PPM1D: variants seen among roughly 807,000 people sequenced by gnomAD.
The protein encoded by PPM1D is protein phosphatase, Mg2+/Mn2+ dependent 1D, also known as protein phosphatase 1D.
A neutral mutation model predicts 58.3 loss-of-function variants in PPM1D; 52 were observed. That is an observed-to-expected ratio of 0.89 (90% CI 0.71 to 1.12). PPM1D has a LOEUF of 1.12. Ranked by LOEUF, PPM1D falls within the 50% of genes most tolerant of loss-of-function variation. The pLI is 0.00. For synonymous variants in PPM1D, 278 were observed against 285.1 expected (o/e 0.98, Z 0.25); for missense variants, 564 against 777.2 (o/e 0.73, Z 3.26).
At chr17:60,607,375 C>T (rs538756345) in intron 1 of PPM1D, among the ~76,000 whole-genome samples, 2 of 152,154 alleles carry the variant, frequency 1.3e-5, no homozygotes, top group South Asian at 2.1e-4. Flanking sequence ...CTCCACCTCC[C>T]GGGTTCAAGC....
At chr17:60,658,473 A>G (rs2031476503) in intron 5 of PPM1D, among the ~76,000 whole-genome samples, 2 of 151,158 alleles carry the variant, frequency 1.3e-5, no homozygotes. Context: ...ACATGGAGAT[A>G]CCCCATCTCT....
chr17:60,600,894 C>T lies in PPM1D; in HGVS notation c.472+8C>T. Reference sequence around the variant, plus strand: ...CCATGTGGAAGAAACTGGGTAAGTTCCCTGGCTTGTTTGGCGCCCGCCCCT... The same window carrying T: ...CCATGTGGAAGAAACTGGGTAAGTTTCCTGGCTTGTTTGGCGCCCGCCCCT... On this transcript the variant is annotated splice_region_variant and intron_variant, in intron 1 of 5. Transcript: ENST00000305921. 1 of 1,612,946 alleles carries T rather than the reference C, an allele frequency of 6.2e-7. No individual in the cohort carries two copies.
At chr17:60,659,733 C>T (rs1006836897) in intron 5 of PPM1D, among the ~76,000 whole-genome samples, 4 of 152,304 alleles carry the variant, frequency 2.6e-5, no homozygotes, top group East Asian at 3.9e-4. Flanking sequence ...AACTGTTTTA[C>T]GAACATGCAG....
Position 60,663,288 on chromosome 17 carries a change from TG to T in PPM1D, c.1556del (p.Gly519AlafsTer3). 6.2e-7 allele frequency: 1 copy of T among 1,614,230 alleles called. No individual in the cohort carries two copies. Among genetic ancestry groups the T allele is most frequent in the South Asian group, 1.1e-5 (1 of 91,086 alleles). On this transcript the variant is annotated frameshift_variant, in exon 6 of 6. Transcript: ENST00000305921. LOFTEE classifies it high-confidence loss of function. The part of the protein sequence containing the change: ...DQKNLKMSTP[G>X]QMKAQEIERT... ...AAAAAAATTTGAAGATGTCAACTCCTGGCCAAATGAAAGCCCAAGAAATTGA... is the reference window on the plus strand; with the variant it reads ...AAAAAAATTTGAAGATGTCAACTCCTGCCAAATGAAAGCCCAAGAAATTGA...
intron 5 of PPM1D, among the ~76,000 whole-genome samples, chr17:60,660,754 C>T (rs983792711): frequency 2.0e-5 from 3 of 151,574 alleles, no homozygotes; most frequent in African/African-American, 7.3e-5. Flanking sequence ...GAGCAAGACT[C>T]GGCCTCAAAA....
At chr17:60,612,624 GC>G (rs2030482087) in intron 1 of PPM1D, among the ~76,000 whole-genome samples, 1 of 151,966 alleles carries the variant, frequency 6.6e-6, no homozygotes, top group East Asian at 1.9e-4. Flanking sequence ...AATTATTCTT[GC>G]AAAAAAGGAA....
In PPM1D at chr17:60,663,076, A is replaced by G. The variant is rs149207898; in HGVS notation, c.1342A>G (p.Asn448Asp). The G allele has an allele frequency of 6.2e-7, 1 of 1,614,090 alleles. No individual in the cohort carries two copies. Among genetic ancestry groups the G allele is most frequent in the Non-Finnish European group, 8.5e-7 (1 of 1,179,968 alleles). ...GGTTCGTAGCAATGCCTTCTCAGAG[A>G]ATTTTTTAGAGGTTTCAGCTGAGAT... Reference protein sequence around the residue: ...ALVRSNAFSENFLEVSAEIAR... With the variant: ...ALVRSNAFSEDFLEVSAEIAR... Residue 448 changes from asparagine (N) to aspartate (D), a missense_variant, in exon 6 of 6, where the codon AAT (asparagine) becomes GAT (aspartate). Around this residue, in one of 7 missense-constraint regions of PPM1D, gnomAD observed 261 missense variants for 270.1 expected, o/e 0.97. Transcript: ENST00000305921.
intron 1 of PPM1D, among the ~76,000 whole-genome samples, chr17:60,616,058 T>A (rs1333514293): frequency 6.6e-6 from 1 of 151,906 alleles, no homozygotes; most frequent in Non-Finnish European, 1.5e-5. Context: ...CAGGCTGAAG[T>A]GCAATGGCAT....
chr17:60,652,318 ATTCT>A, intron 4 of PPM1D, among the ~76,000 whole-genome samples: 1 of 152,134 alleles, frequency 6.6e-6, no homozygotes, highest in Admixed American at 6.5e-5. Context: ...ACAAGATTTC[ATTCT>A]TTTCTATGGC....
intron 4 of PPM1D, among the ~76,000 whole-genome samples, chr17:60,655,948 GCCT>G (rs1347625600): frequency 2.0e-5 from 3 of 151,122 alleles, no homozygotes; most frequent in African/African-American, 4.9e-5. Flanking sequence ...TGATCCACCC[GCCT>G]CCTCCTCCCA....
At position 60,662,993 on chromosome 17, in the gene PPM1D, A is replaced by C. The variant is rs1016315290; in HGVS notation, c.1261-2A>C. 4.4e-6 allele frequency: 7 copies of C among 1,581,878 alleles called. No individual in the cohort carries two copies. The highest frequency in any genetic ancestry group is 6.0e-6 in the Non-Finnish European group (7 of 1,166,340). Reference sequence around the variant, plus strand: ...TATTTGTTTTACCTTCTTATTTTTCAGTCACTGGAGGAGGATCCATGGCCA... The same window carrying C: ...TATTTGTTTTACCTTCTTATTTTTCCGTCACTGGAGGAGGATCCATGGCCA... On this transcript the variant is annotated splice_acceptor_variant, in intron 5 of 5. Coordinates refer to ENST00000305921, the MANE Select transcript of PPM1D (RefSeq NM_003620.4). LOFTEE classifies it high-confidence loss of function.
At chr17:60,636,966 GATTTTTTTTTTTT>G (rs1010983041) in intron 3 of PPM1D, among the ~76,000 whole-genome samples, 5 of 106,904 alleles carry the variant, frequency 4.7e-5, no homozygotes, top group African/African-American at 1.4e-4. Context: ...GCCTACTCAT[GATTTTTTTTTTTT>G]TTTTTTTAGA....
At chr17:60,643,769 T>G (rs2143694118) in intron 3 of PPM1D, among the ~76,000 whole-genome samples, 1 of 152,176 alleles carries the variant, frequency 6.6e-6, no homozygotes. Context: ...AATGTAGTCC[T>G]GTAGCCAAAA....
chr17:60,658,041 T>C (rs1184850999), intron 5 of PPM1D, among the ~76,000 whole-genome samples: 1 of 152,214 alleles, frequency 6.6e-6, no homozygotes, highest in Non-Finnish European at 1.5e-5. Flanking sequence ...TGAAGTATTT[T>C]CATTCACAAA....
At chr17:60,648,170 G>T in intron 4 of PPM1D, 88 bp downstream of exon 4, 1 of 1,403,434 alleles carries the variant, frequency 7.1e-7, no homozygotes, top group Non-Finnish European at 9.6e-7. Flanking sequence ...TAAGGACATT[G>T]ACCTTGGGTA....
At chr17:60,645,454 ATATGTG>A (rs2031215737) in intron 3 of PPM1D, among the ~76,000 whole-genome samples, 6 of 103,158 alleles carry the variant, frequency 5.8e-5, no homozygotes, top group Admixed American at 2.2e-4. Flanking sequence ...TGTAAAATAT[ATATGTG>A]TGTGTGTGTG....
chr17:60,647,026 T>C (rs2031262164), intron 3 of PPM1D, among the ~76,000 whole-genome samples: 2 of 152,200 alleles, frequency 1.3e-5, no homozygotes, highest in Admixed American at 6.5e-5. Context: ...TTGGTACTTC[T>C]GTTTGTAGGA....
chr17:60,652,318 A>T (rs1045812899), intron 4 of PPM1D, among the ~76,000 whole-genome samples: 1 of 152,134 alleles, frequency 6.6e-6, no homozygotes, highest in African/African-American at 2.4e-5. Context: ...ACAAGATTTC[A>T]TTCTTTTCTA....
Position 60,600,295 on chromosome 17 carries a change from C to G in PPM1D, c.-120C>G. On this transcript the variant is annotated 5_prime_UTR_variant, in exon 1 of 6. Transcript: ENST00000305921. ...GCGCCCCCCCTTCTCCGGGTCCGCCCCCTCCCCCTTCTCGGCGTCGTCGAA... is the reference window on the plus strand; with the variant it reads ...GCGCCCCCCCTTCTCCGGGTCCGCCGCCTCCCCCTTCTCGGCGTCGTCGAA... 1 of 1,454,396 alleles carries G rather than the reference C, an allele frequency of 6.9e-7. No homozygotes were observed. Among genetic ancestry groups the G allele is most frequent in the Non-Finnish European group, 9.0e-7 (1 of 1,109,918 alleles). 90.1% of individuals were successfully genotyped at this position (1,454,396 alleles called of 1,614,324 possible). A position where few individuals can be genotyped will look rare whatever the true frequency, so the allele number is the denominator to read the frequency against.
Sources: allele counts gnomAD v4.1 joint callset (sites outside exome capture counted in the v4.1 genomes callset), GRCh38; gene constraint gnomAD v4.1.1; regional missense constraint gnomAD v4.1.1; transcripts MANE v1.5; gene names NCBI Gene and HGNC (gene_info 2026-07-23, HGNC 2026-07-21).